LMOD3: variants seen among roughly 807,000 people sequenced by gnomAD.
LMOD3 encodes the protein leiomodin-3.
A neutral mutation model predicts 41.8 loss-of-function variants in LMOD3; 31 were observed. The ratio of observed to expected loss-of-function variants is 0.74; its 90% confidence interval spans 0.56 to 1.00. The LOEUF is 1.00. LMOD3 is among the 50% of genes least tolerant of loss of function. LMOD3 has a pLI of 0.00. For synonymous variants in LMOD3, 292 were observed against 241.9 expected (o/e 1.21, Z -1.92); for missense variants, 755 against 679.5 (o/e 1.11, Z -1.23).
rs201975286 is a variant in LMOD3, at chr3:69,120,033, T to C, written c.322A>G (p.Ile108Val). 5.0e-6 allele frequency: 8 copies of C among 1,603,638 alleles called. No individual in the cohort carries two copies. The highest frequency in any genetic ancestry group is 6.8e-6 in the Non-Finnish European group (8 of 1,176,860). Reference protein sequence around the residue: ...EEKTQEEHEEIEKRNKNMAQY... With the variant: ...EEKTQEEHEEVEKRNKNMAQY... Reference sequence around the variant, plus strand: ...GCCATATTTTTATTACGTTTTTCTATTTCTTCATGCTCTTCTTGAGTCTTT... The same window carrying C: ...GCCATATTTTTATTACGTTTTTCTACTTCTTCATGCTCTTCTTGAGTCTTT... Residue 108 changes from isoleucine to valine, a missense_variant, in exon 2 of 3, where the codon ATA (isoleucine) becomes GTA (valine). Ile to Val is a conservative substitution (Grantham distance 29, BLOSUM62 3). Coordinates refer to ENST00000420581, the MANE Select transcript of LMOD3 (RefSeq NM_198271.5).
At position 69,119,075 on chromosome 3, in the gene LMOD3, G is replaced by A. The variant is rs766271038; in HGVS notation, c.1280C>T (p.Pro427Leu). 1 of 1,613,762 alleles carries A rather than the reference G, an allele frequency of 6.2e-7. No homozygotes were observed. The highest frequency in any genetic ancestry group is 1.7e-5 in the Admixed American group (1 of 59,992). ...TCCCAACAGCTCCCACATCCCAGGG[G>A]GCAGCCCCAACCCATTCTCTAACAT... ...IAMLENGLGL[P>L]PGMWELLGGP... Residue 427 changes from proline to leucine, a missense_variant, in exon 2 of 3, where the codon CCC becomes CTC. Coordinates refer to ENST00000420581, the MANE Select transcript of LMOD3 (RefSeq NM_198271.5).
chr3:69,114,536 C>G (rs374479511), intron 2 of LMOD3, among the ~76,000 whole-genome samples: 1 of 152,224 alleles, frequency 6.6e-6, no homozygotes, highest in Non-Finnish European at 1.5e-5. Context: ...GAGACAGAAT[C>G]TCGCTCTGTC....
In LMOD3 at chr3:69,109,035, T is replaced by C; in HGVS notation, c.*60A>G. 1 of 1,414,470 alleles carries C rather than the reference T, an allele frequency of 7.1e-7. No homozygotes were observed. Among genetic ancestry groups the C allele is most frequent in the Admixed American group, 1.9e-5 (1 of 51,662 alleles). 87.6% of individuals were successfully genotyped at this position (1,414,470 alleles called of 1,614,324 possible). A position where few individuals can be genotyped will look rare whatever the true frequency, so the allele number is the denominator to read the frequency against. ...AGTATTGCTGCTGACATAGTCTCCA[T>C]GCTGTAATCCAAGAGTCACTATTTC... is the stretch of plus-strand genomic sequence containing the variant. On this transcript the variant is annotated 3_prime_UTR_variant, in exon 3 of 3. Transcript: ENST00000420581.
chr3:69,113,155 A>C (rs2092357161), intron 2 of LMOD3, among the ~76,000 whole-genome samples: 1 of 152,180 alleles, frequency 6.6e-6, no homozygotes, highest in Non-Finnish European at 1.5e-5. Flanking sequence ...AAAGAAGTAG[A>C]AGGTAACCCT....
At chr3:69,111,727 C>A (rs1445822029) in intron 2 of LMOD3, among the ~76,000 whole-genome samples, 3 of 152,156 alleles carry the variant, frequency 2.0e-5, no homozygotes. Context: ...AGGTGTGAGC[C>A]ACCATGCCCA....
At chr3:69,117,851 T>TTTTTTTTTTTTTTTTTTTTTA (rs1559660748) in intron 2 of LMOD3, among the ~76,000 whole-genome samples, 3 of 150,948 alleles carry the variant, frequency 2.0e-5, no homozygotes, top group African/African-American at 7.3e-5. Flanking sequence ...TTTTTTTTTT[T>TTTTTTTTTTTTTTTTTTTTTA]AGATGGAGTC....
intron 2 of LMOD3, among the ~76,000 whole-genome samples, 172 bp downstream of exon 2, chr3:69,118,527 T>G (rs146299289): frequency 1.5e-3 from 230 of 152,206 alleles, no homozygotes; most frequent in African/African-American, 5.4e-3. Context: ...GTGCTACAGG[T>G]GTACATCCTT....
chr3:69,120,636 A>AATAT (rs10640800), intron 1 of LMOD3, among the ~76,000 whole-genome samples: 279 of 149,712 alleles, frequency 1.9e-3, no homozygotes, highest in Admixed American at 6.9e-3. Flanking sequence ...TTTGATTTTG[A>AATAT]ATATATATAT....
chr3:69,110,466 G>T (rs1274126742), intron 2 of LMOD3, among the ~76,000 whole-genome samples: 2 of 151,144 alleles, frequency 1.3e-5, no homozygotes, highest in Non-Finnish European at 1.5e-5. Context: ...CTGACCTCAG[G>T]TGCTCCACCC....
chr3:69,113,393 G>T (rs963950427), intron 2 of LMOD3, among the ~76,000 whole-genome samples: 1 of 152,132 alleles, frequency 6.6e-6, no homozygotes, highest in Non-Finnish European at 1.5e-5. Context: ...GAGGAGAAAA[G>T]TACAAAAGGA....
In LMOD3 at chr3:69,111,243, T is replaced by A. The variant is rs555507804; in HGVS notation, c.1657-2122A>T. 5.3e-5 allele frequency among the ~76,000 whole-genome samples: 8 copies of A among 152,310 alleles called. No individual in the cohort carries two copies. In the South Asian group the frequency reaches 1.7e-3, roughly 32 times the overall value. On this transcript the variant is annotated intron_variant, in intron 2 of 2. Transcript: ENST00000420581. ...TTTGGCTAGGAATGTTTTTCCAATA[T>A]TCTGCCCACCAGAGAGGACCTTTGA...
In LMOD3 at chr3:69,117,833, GT is replaced by G. The variant is rs374336943; in HGVS notation, c.1656+865del. On this transcript the variant is annotated intron_variant, in intron 2 of 2. Coordinates refer to ENST00000420581, the MANE Select transcript of LMOD3 (RefSeq NM_198271.5). ...ACAAACAACTGGCCCAATTTGGGTG[GT>G]TTTTTTTTTTTTTTTTTAGATGGAG... Among the ~76,000 whole-genome samples, 447 of 132,100 alleles carry G rather than the reference GT, an allele frequency of 3.4e-3. 1 individual carries two copies. Among genetic ancestry groups the G allele is most frequent in the Admixed American group, 3.3e-3 (43 of 13,086 alleles). 86.7% of individuals were successfully genotyped at this position (132,100 alleles called of 152,430 possible). A position where few individuals can be genotyped will look rare whatever the true frequency, so the allele number is the denominator to read the frequency against.
chr3:69,117,267 T>C (rs772166428), intron 2 of LMOD3, among the ~76,000 whole-genome samples: 25 of 152,258 alleles, frequency 1.6e-4, no homozygotes, highest in Non-Finnish European at 2.9e-4. Context: ...GAATGGGCTA[T>C]TGATAATTCT....
At position 69,107,494 on chromosome 3, in the gene LMOD3, T is replaced by TTTTTTTTTTTTG. The variant is rs1252768762; in HGVS notation, c.*1600_*1601insCAAAAAAAAAAA. On this transcript the variant is annotated 3_prime_UTR_variant, in exon 3 of 3. Transcript: ENST00000420581. ...TTTTTTTTTTTTTTTTTTTTTTTTTTGAGATGGAGTATCACTCTGTCACCC... is the reference window on the plus strand; with the variant it reads ...TTTTTTTTTTTTTTTTTTTTTTTTTTTTTTTTTTTTTGGAGATGGAGTATCACTCTGTCACCC... 2 of 125,112 alleles carry TTTTTTTTTTTTG rather than the reference T, an allele frequency of 1.6e-5. No individual in the cohort carries two copies. Among genetic ancestry groups the TTTTTTTTTTTTG allele is most frequent in the Non-Finnish European group, 3.2e-5 (2 of 62,702 alleles). The allele number at this position is 125,112 out of a possible 1,614,324, so 7.8% of individuals were successfully genotyped here.
rs144376030 is a variant in LMOD3 at position 69,112,969 on chromosome 3, A to G, written c.1657-3848T>C. Among the ~76,000 whole-genome samples the G allele has an allele frequency of 1.7e-3, 257 of 152,374 alleles. 3 individuals carry two copies. The highest frequency in any genetic ancestry group is 6.0e-3 in the African/African-American group (250 of 41,598). On this transcript the variant is annotated intron_variant, in intron 2 of 2. Transcript: ENST00000420581. ...TTCTGGTTTATATAATTCCTGGATT[A>G]TACGTGCTCTTGATGAGCTTGAAAT... is the stretch of plus-strand genomic sequence containing the variant.
chr3:69,111,572 T>A (rs890846696), intron 2 of LMOD3, among the ~76,000 whole-genome samples: 4 of 152,212 alleles, frequency 2.6e-5, no homozygotes, highest in African/African-American at 7.2e-5. Flanking sequence ...ATTTTAAATT[T>A]AAAAATTTTT....
At chr3:69,110,703 C>G (rs187034848) in intron 2 of LMOD3, among the ~76,000 whole-genome samples, 1 of 146,866 alleles carries the variant, frequency 6.8e-6, no homozygotes, top group Non-Finnish European at 1.5e-5. Flanking sequence ...ATTAGCTGGG[C>G]GTGGTGGCAC....
At chr3:69,114,825 C>G (rs990081181) in intron 2 of LMOD3, among the ~76,000 whole-genome samples, 1 of 152,008 alleles carries the variant, frequency 6.6e-6, no homozygotes, top group Non-Finnish European at 1.5e-5. Flanking sequence ...TACATGTGCT[C>G]TATCAAATAC....
rs765444837 is a variant in LMOD3 at position 69,118,987 on chromosome 3, G to T, written c.1368C>A (p.Asn456Lys). Residue 456 changes from asparagine (N) to lysine (K), a missense_variant, in exon 2 of 3, where the codon AAC (asparagine) becomes AAA (lysine). Coordinates refer to ENST00000420581, the MANE Select transcript of LMOD3 (RefSeq NM_198271.5). ...FFQPPPPRPP[N>K]PQNVPFSQRS... is the part of the protein sequence containing the mutation. ...GTTGACTAAAGGGGACATTTTGGGG[G>T]TTGGGAGGCCGAGGTGGCGGTGGCT... The T allele has an allele frequency of 6.2e-7, 1 of 1,613,280 alleles. No individual in the cohort carries two copies. The highest frequency in any genetic ancestry group is 8.5e-7 in the Non-Finnish European group (1 of 1,179,798).
Sources: allele counts gnomAD v4.1 joint callset (sites outside exome capture counted in the v4.1 genomes callset), GRCh38; gene constraint gnomAD v4.1.1; transcripts MANE v1.5; gene names NCBI Gene and HGNC (gene_info 2026-07-23, HGNC 2026-07-21).